Variants in ATRNL1 observed in about 807,000 individuals in gnomAD.
ATRNL1 encodes attractin-like protein 1.
ATRNL1 carries 95 observed loss-of-function variants against 182.7 expected under a neutral mutation model. The ratio of observed to expected loss-of-function variants is 0.52; its 90% CI spans 0.44 to 0.62. The LOEUF is 0.62. Ranked by LOEUF, ATRNL1 falls within the 20% of genes least tolerant of loss-of-function variation. The probability of loss-of-function intolerance (pLI) is 0.00; values close to 1 mark genes in which losing one functional copy is unlikely to be tolerated. For missense variants in ATRNL1, 1,471 were observed against 1,679.5 expected, an observed-to-expected ratio of 0.88 and a Z score of 2.17; for synonymous variants, 576 against 568.3, an observed-to-expected ratio of 1.01 and a Z score of -0.19.
chr10:115,217,408 C>T lies in ATRNL1; in HGVS notation c.1532+1528C>T, dbSNP rs557228747. On this transcript the variant is annotated intron_variant, in intron 9 of 28. Coordinates refer to ENST00000355044, the MANE Select transcript of ATRNL1 (RefSeq NM_207303.4). ...TGGCCCTAAAAATATTTTTTCAATG[C>T]TGTGTCATACCAAAAGGGAAGAATA... is the stretch of plus-strand genomic sequence containing the variant. Among the ~76,000 whole-genome samples, 12 of 152,012 alleles carry T rather than the reference C, an allele frequency of 7.9e-5. No homozygotes were observed. The South Asian group carries it at 2.3e-3, about 29-fold the overall frequency.
In ATRNL1 at chr10:115,446,524, A is replaced by T. The variant is rs185086490; in HGVS notation, c.3323-15417A>T. ...ATGGGTATTTTAAATAGCTAAAAAA[A>T]CTCTGTATTTATATTAATTGTATCT... On this transcript the variant is annotated intron_variant, in intron 21 of 28. Transcript: ENST00000355044. Among the ~76,000 whole-genome samples the T allele has an allele frequency of 2.4e-3, 361 of 149,888 alleles. 1 individual carries two copies. Among genetic ancestry groups the T allele is most frequent in the East Asian group, 0.02 (104 of 5,152 alleles).
chr10:115,408,887 A>G lies in ATRNL1; in HGVS notation c.3269+14135A>G, dbSNP rs182432649. ...TTTGTCAAAAATCAGTTGGCTGTAG[A>G]TATGTAATTTCTGTGTTCTCCATTA... On this transcript the variant is annotated intron_variant, in intron 20 of 28. Transcript: ENST00000355044. 1.5e-3 allele frequency among the ~76,000 whole-genome samples: 234 copies of G among 152,112 alleles called. 1 individual carries two copies. The highest frequency in any genetic ancestry group is 5.4e-3 in the African/African-American group (223 of 41,508).
At chr10:115,941,992 ATCCTGAAAG>A (rs1431760098) in intron 28 of ATRNL1, among the ~76,000 whole-genome samples, 1 of 152,244 alleles carries the variant, frequency 6.6e-6, no homozygotes, top group Non-Finnish European at 1.5e-5. Flanking sequence ...GATATTTAAT[ATCCTGAAAG>A]AGCAAATTAC....
chr10:115,844,210 G>A (rs1950877185), intron 27 of ATRNL1, among the ~76,000 whole-genome samples: 1 of 152,066 alleles, frequency 6.6e-6, no homozygotes, highest in Admixed American at 6.6e-5. Context: ...AAATTGTAGT[G>A]ACTCGTCCAA....
At chr10:115,132,739 G>C (rs538749374) in intron 5 of ATRNL1, among the ~76,000 whole-genome samples, 1 of 152,300 alleles carries the variant, frequency 6.6e-6, no homozygotes, top group Non-Finnish European at 1.5e-5. Flanking sequence ...CTTTTGAGAA[G>C]TGTCTGTTCA....
intron 26 of ATRNL1, among the ~76,000 whole-genome samples, chr10:115,708,719 G>C (rs1946973368): frequency 1.3e-5 from 2 of 151,618 alleles, no homozygotes; most frequent in South Asian, 4.1e-4. Flanking sequence ...AAATGTTATT[G>C]TAAGTTCAAG....
intron 26 of ATRNL1, among the ~76,000 whole-genome samples, chr10:115,568,453 AC>A (rs1172462578): frequency 6.6e-6 from 1 of 152,066 alleles, no homozygotes; most frequent in Non-Finnish European, 1.5e-5. Flanking sequence ...CAGCAACATC[AC>A]TTTGGTAGTG....
At chr10:115,161,244 C>T (rs1846770215) in intron 6 of ATRNL1, among the ~76,000 whole-genome samples, 1 of 151,632 alleles carries the variant, frequency 6.6e-6, no homozygotes, top group African/African-American at 2.4e-5. Flanking sequence ...TTGAATGCGA[C>T]TGAAATTAAA....
intron 26 of ATRNL1, among the ~76,000 whole-genome samples, chr10:115,674,604 A>C (rs1945803089): frequency 6.6e-6 from 1 of 152,110 alleles, no homozygotes; most frequent in Non-Finnish European, 1.5e-5. Flanking sequence ...GAGTCTACTG[A>C]TGAAATTTTT....
At chr10:115,449,239 GAGAGA>G (rs1847165302) in intron 21 of ATRNL1, among the ~76,000 whole-genome samples, 1 of 152,178 alleles carries the variant, frequency 6.6e-6, no homozygotes, top group African/African-American at 2.4e-5. Flanking sequence ...TGCAGAAAAG[GAGAGA>G]AGAGAAGAAG....
chr10:115,477,954 T>C (rs782350579), intron 24 of ATRNL1, among the ~76,000 whole-genome samples: 16 of 151,826 alleles, frequency 1.1e-4, no homozygotes, highest in Non-Finnish European at 2.4e-4. Context: ...TTACAATTGC[T>C]TGCTTTCTCA....
At chr10:115,269,222 A>G (rs1851735708) in intron 13 of ATRNL1, among the ~76,000 whole-genome samples, 1 of 152,246 alleles carries the variant, frequency 6.6e-6, no homozygotes, top group South Asian at 2.1e-4. Context: ...AGAGAAGCAA[A>G]AATTAAGATT....
chr10:115,946,799 AT>A lies in ATRNL1; in HGVS notation c.*2026del, dbSNP rs1953886285. ...AACTAATGATTACAAAGATATAATC[AT>A]TTTTTAAAAAGTGATTGCCCAATGT... On this transcript the variant is annotated 3_prime_UTR_variant, in exon 29 of 29. Transcript: ENST00000355044. 6.6e-6 allele frequency: 1 copy of A among 152,204 alleles called. No homozygotes were observed. The highest frequency in any genetic ancestry group is 1.5e-5 in the Non-Finnish European group (1 of 68,034). 9.4% of individuals were successfully genotyped at this position (152,204 alleles called of 1,614,324 possible).
chr10:115,469,617 T>G (rs1267940381), intron 24 of ATRNL1, among the ~76,000 whole-genome samples: 2 of 150,654 alleles, frequency 1.3e-5, no homozygotes, highest in Non-Finnish European at 3.0e-5. Context: ...ATACTTTAAC[T>G]GAGGGTTAAA....
chr10:115,929,223 T>C (rs1189967968), intron 28 of ATRNL1, among the ~76,000 whole-genome samples: 1 of 151,414 alleles, frequency 6.6e-6, no homozygotes, highest in East Asian at 1.9e-4. Flanking sequence ...TTGATTACAC[T>C]TATTTCTTAA....
chr10:115,227,810 T>C (rs1355355327), intron 9 of ATRNL1, among the ~76,000 whole-genome samples: 1 of 152,058 alleles, frequency 6.6e-6, no homozygotes, highest in East Asian at 1.9e-4. Context: ...GAGAAATTAA[T>C]GCAGGAACAG....
intron 10 of ATRNL1, among the ~76,000 whole-genome samples, chr10:115,256,109 G>C (rs997428601): frequency 6.6e-6 from 1 of 152,034 alleles, no homozygotes; most frequent in Non-Finnish European, 1.5e-5. Context: ...TTTTTTTGTT[G>C]TGTCTCTACC....
chr10:115,150,127 A>T (rs1846154357), intron 5 of ATRNL1, among the ~76,000 whole-genome samples: 1 of 151,814 alleles, frequency 6.6e-6, no homozygotes, highest in Non-Finnish European at 1.5e-5. Flanking sequence ...CCAGTTTGTT[A>T]GTGTATAGTT....
At chr10:115,159,984 C>G (rs1200659242) in intron 5 of ATRNL1, 56 bp from the exon 6 acceptor site, 1 of 1,314,664 alleles carries the variant, frequency 7.6e-7, no homozygotes, top group Non-Finnish European at 1.0e-6. Context: ...TGTTGTATTT[C>G]TATAATCTGA....
Sources: allele counts gnomAD v4.1 joint callset (sites outside exome capture counted in the v4.1 genomes callset), GRCh38; gene constraint gnomAD v4.1.1; transcripts MANE v1.5; gene names NCBI Gene and HGNC (gene_info 2026-07-23, HGNC 2026-07-21).